The following ZNF600 variants were observed in gnomAD, a reference collection of about 807,000 sequenced individuals.
The protein encoded by ZNF600 is zinc finger protein 600.
A neutral mutation model predicts 7.3 loss-of-function variants in ZNF600; 4 were observed. The observed-to-expected ratio is 0.55, with a 90% CI of 0.27 to 1.25. ZNF600 has a LOEUF of 1.25. Ranked by LOEUF, ZNF600 falls within the 50% of genes most tolerant of loss-of-function variation. ZNF600 has a pLI of 0.12. For synonymous variants in ZNF600, 290 were observed against 308.9 expected (o/e 0.94, Z 0.64); for missense variants, 911 against 922.1 (o/e 0.99, Z 0.16).
At chr19:52,811,940 G>A in the ZNF600 span, among the ~76,000 whole-genome samples, 222 of 72,676 alleles carry the variant, frequency 3.1e-3, 4 homozygotes, top group African/African-American at 0.014. Context: ...GGTGAGGGGC[G>A]CCTCTGCCCG....
At chr19:52,771,101 G>A (rs2062626789) in intron 3 of ZNF600, among the ~76,000 whole-genome samples, 1 of 152,086 alleles carries the variant, frequency 6.6e-6, no homozygotes, top group African/African-American at 2.4e-5. Flanking sequence ...CCAAAGTGCT[G>A]GGATTACAGG....
exon 4 of ZNF600, chr19:52,765,772 C>T: frequency 6.2e-7 from 1 of 1,613,876 alleles, no homozygotes; most frequent in Non-Finnish European, 8.5e-7. Flanking sequence ...GGTTTCTTTC[C>T]AGGATGAATT....
At chr19:52,811,256 C>T in the ZNF600 span, among the ~76,000 whole-genome samples, 2,834 of 151,706 alleles carry the variant, frequency 0.019, 94 homozygotes, top group African/African-American at 0.065. Flanking sequence ...CTCCACCTCC[C>T]AGCCGCCTGC....
the ZNF600 span, chr19:52,800,506 C>T: frequency 1.2e-6 from 2 of 1,613,470 alleles, no homozygotes; most frequent in Non-Finnish European, 1.7e-6. Context: ...TGATTAAAAA[C>T]CTTGCCACAT....
At chr19:52,792,627 G>A in the ZNF600 span, among the ~76,000 whole-genome samples, 503 of 152,200 alleles carry the variant, frequency 3.3e-3, 2 homozygotes, top group African/African-American at 0.012. Flanking sequence ...AAGCACCCTC[G>A]CTGCTTCAAG....
the ZNF600 span, among the ~76,000 whole-genome samples, chr19:52,812,386 T>A: frequency 1.4e-5 from 2 of 138,740 alleles, no homozygotes; most frequent in African/African-American, 6.2e-5. Flanking sequence ...TGGATAGAAG[T>A]AGACATGGGA....
At chr19:52,828,138 G>A in the ZNF600 span, among the ~76,000 whole-genome samples, 1 of 151,624 alleles carries the variant, frequency 6.6e-6, no homozygotes, top group Non-Finnish European at 1.5e-5. Context: ...TGCAACCTCC[G>A]CCTCCTGAGT....
chr19:52,807,961 A>C, the ZNF600 span: 4 of 1,610,446 alleles, frequency 2.5e-6, no homozygotes, highest in Non-Finnish European at 2.5e-6. Context: ...CAACAAGAGA[A>C]AATACAAAGA....
chr19:52,767,112 T>G, exon 4 of ZNF600: 14 of 1,613,862 alleles, frequency 8.7e-6, no homozygotes, highest in Non-Finnish European at 1.1e-5. Flanking sequence ...GTAAGGTTTC[T>G]CTCCAGTGTG....
the ZNF600 span, among the ~76,000 whole-genome samples, chr19:52,815,889 A>G: frequency 6.8e-6 from 1 of 147,498 alleles, no homozygotes; most frequent in East Asian, 2.0e-4. Flanking sequence ...TTGGTACAAC[A>G]AACTCCAATG....
upstream of ZNF600, among the ~76,000 whole-genome samples, chr19:52,787,793 G>A (rs2062777833): frequency 6.7e-6 from 1 of 148,418 alleles, no homozygotes; most frequent in African/African-American, 2.5e-5. Flanking sequence ...CCGGGAGGCG[G>A]AGCGTGCAGT....
At chr19:52,774,970 T>C (rs1424757942) in intron 2 of ZNF600, among the ~76,000 whole-genome samples, 2 of 152,190 alleles carry the variant, frequency 1.3e-5, no homozygotes, top group East Asian at 1.9e-4. Context: ...CCAGGCATGG[T>C]GGTTCACACC....
chr19:52,827,763 TCTC>T, the ZNF600 span, among the ~76,000 whole-genome samples: 1 of 151,866 alleles, frequency 6.6e-6, no homozygotes, highest in South Asian at 2.1e-4. Flanking sequence ...GCCAGGATGG[TCTC>T]GATCTCCTGA....
chr19:52,787,135 G>T (rs1232482308), upstream of ZNF600, among the ~76,000 whole-genome samples: 1 of 152,236 alleles, frequency 6.6e-6, no homozygotes, highest in Non-Finnish European at 1.5e-5. Context: ...AGGAGGGAGG[G>T]TCCACCCCGT....
the ZNF600 span, among the ~76,000 whole-genome samples, chr19:52,817,743 G>C: frequency 1.6e-4 from 24 of 152,132 alleles, no homozygotes; most frequent in Non-Finnish European, 3.1e-4. Context: ...ACCATGCCCA[G>C]TGCAGCCTCT....
the ZNF600 span, chr19:52,801,561 T>C: frequency 2.5e-6 from 4 of 1,614,194 alleles, no homozygotes; most frequent in Non-Finnish European, 2.5e-6. Context: ...CTGGAAGCCA[T>C]GAATGTCTTT....
chr19:52,793,391 A>C, the ZNF600 span, among the ~76,000 whole-genome samples: 2 of 152,340 alleles, frequency 1.3e-5, no homozygotes, highest in African/African-American at 4.8e-5. Context: ...CAAATGGGAC[A>C]GAAAGGCTGC....
the ZNF600 span, among the ~76,000 whole-genome samples, chr19:52,823,199 CTTTTTG>C: frequency 3.3e-5 from 5 of 151,936 alleles, no homozygotes; most frequent in Non-Finnish European, 5.9e-5. Context: ...TTTTATTGCA[CTTTTTG>C]TTTTGTTTTG....
At chr19:52,796,438 T>C in the ZNF600 span, among the ~76,000 whole-genome samples, 1 of 152,040 alleles carries the variant, frequency 6.6e-6, no homozygotes, top group Admixed American at 6.6e-5. Flanking sequence ...ATTCTTTGAG[T>C]CTTTGATCAG....
Sources: gnomAD v4.1 joint callset for allele counts (sites outside exome capture counted in the v4.1 genomes callset) on GRCh38, gnomAD v4.1.1 for gene constraint, MANE v1.5 for transcripts, NCBI Gene and HGNC (gene_info 2026-07-23, HGNC 2026-07-21) for gene names.